EFCAB11: variants seen among roughly 807,000 people sequenced by gnomAD.
EFCAB11 encodes the protein EF-hand calcium binding domain 11.
EFCAB11 carries 14 observed loss-of-function variants against 23.0 expected under a neutral mutation model. The ratio of observed to expected loss-of-function variants is 0.61; its 90% confidence interval spans 0.40 to 0.95. EFCAB11 has a LOEUF of 0.95. Among genes scored for constraint, EFCAB11 ranks in the 40% least tolerant of loss-of-function variants. The pLI, the probability that EFCAB11 is intolerant of heterozygous loss-of-function variation, is 0.00. For missense variants in EFCAB11, 198 were observed against 195.8 expected, an observed-to-expected ratio of 1.01 and a Z score of -0.07; for synonymous variants, 65 against 66.6, an observed-to-expected ratio of 0.98 and a Z score of 0.11.
chr14:89,924,485 G>A lies in EFCAB11; in HGVS notation c.410+7056C>T, dbSNP rs968301242. On this transcript the variant is annotated intron_variant, in intron 5 of 5. Transcript: ENST00000316738. ...AGAGCTTTTTGCCAACTGACAGGTGGTGGGAATGTACAAATAGCAGTGCTT... is the reference window on the plus strand; with the variant it reads ...AGAGCTTTTTGCCAACTGACAGGTGATGGGAATGTACAAATAGCAGTGCTT... The A allele has an allele frequency of 2.2e-6, 3 of 1,394,862 alleles. No homozygotes were observed. In the African/African-American group the frequency reaches 4.4e-5, roughly 20 times the overall value. 86.4% of individuals were successfully genotyped at this position (1,394,862 alleles called of 1,614,324 possible).
intron 5 of EFCAB11, chr14:89,924,250 T>C (rs1890117132): frequency 4.0e-6 from 4 of 995,236 alleles, no homozygotes; most frequent in Non-Finnish European, 4.8e-6. Flanking sequence ...TTGTGTAATA[T>C]GAAGAAAGGG....
At chr14:89,806,283 A>C (rs1425252471) in intron 5 of EFCAB11, among the ~76,000 whole-genome samples, 2 of 152,222 alleles carry the variant, frequency 1.3e-5, no homozygotes, top group Non-Finnish European at 1.5e-5. Flanking sequence ...TAATTTCAGT[A>C]TGTCATTTCG....
intron 5 of EFCAB11, chr14:89,829,823 A>G (rs1886826878): frequency 6.6e-6 from 1 of 152,230 alleles, no homozygotes; most frequent in Admixed American, 6.5e-5. Context: ...AAGCATTTTG[A>G]ATTTTATTTT....
At chr14:89,947,007 T>C (rs6575100) in intron 3 of EFCAB11, among the ~76,000 whole-genome samples, 14,420 of 152,176 alleles carry the variant, frequency 0.095, 1,764 homozygotes, top group African/African-American at 0.29. Flanking sequence ...ACTGACAAAA[T>C]ATAGATGATA....
chr14:89,949,549 A>C (rs1238206485), intron 3 of EFCAB11, among the ~76,000 whole-genome samples: 2 of 151,530 alleles, frequency 1.3e-5, no homozygotes, highest in Non-Finnish European at 3.0e-5. Context: ...TATTTTTAGT[A>C]GAGACGGTGT....
At chr14:89,900,904 C>T (rs1015595079) in intron 5 of EFCAB11, among the ~76,000 whole-genome samples, 6 of 152,020 alleles carry the variant, frequency 3.9e-5, no homozygotes, top group African/African-American at 7.3e-5. Flanking sequence ...TGCATTTCAA[C>T]GTCTTATAAA....
intron 5 of EFCAB11, among the ~76,000 whole-genome samples, chr14:89,821,425 C>T (rs1244707935): frequency 6.6e-6 from 1 of 152,132 alleles, no homozygotes; most frequent in African/African-American, 2.4e-5. Context: ...GTATATAAAT[C>T]CTATTGTGTC....
At chr14:89,921,898 T>C (rs1274127540) in intron 5 of EFCAB11, among the ~76,000 whole-genome samples, 1 of 152,230 alleles carries the variant, frequency 6.6e-6, no homozygotes, top group Non-Finnish European at 1.5e-5. Flanking sequence ...TCTTATTTTA[T>C]AAATATGACA....
intron 5 of EFCAB11, among the ~76,000 whole-genome samples, chr14:89,815,239 G>T (rs1037916967): frequency 6.6e-6 from 1 of 152,136 alleles, no homozygotes; most frequent in African/African-American, 2.4e-5. Context: ...GGAAAAGAAG[G>T]CACAAAAACT....
chr14:89,950,077 A>C lies in EFCAB11; in HGVS notation c.217+20T>G. 6.5e-7 allele frequency: 1 copy of C among 1,531,464 alleles called. No homozygotes were observed. The highest frequency in any genetic ancestry group is 8.9e-7 in the Non-Finnish European group (1 of 1,123,528). 94.9% of individuals were successfully genotyped at this position (1,531,464 alleles called of 1,614,324 possible). On this transcript the variant is annotated intron_variant, in intron 3 of 5. Transcript: ENST00000316738. ...GTGTCTAAATAAGGTACTAAAAATT[A>C]ATATTAACTTTCATATTACCAGAAG...
Position 89,937,256 on chromosome 14 carries a change from A to C in EFCAB11, c.218-4629T>G, listed in dbSNP as rs139931764. 1.5e-4 allele frequency among the ~76,000 whole-genome samples: 23 copies of C among 152,296 alleles called. No homozygotes were observed. The East Asian group carries it at 3.9e-3, about 26-fold the overall frequency. ...GTAGGAAAGATTCTTCTTTATATGA[A>C]AATGGAAAGCCTCATGTGTAGAGGA... On this transcript the variant is annotated intron_variant, in intron 3 of 5. Coordinates refer to ENST00000316738, the MANE Select transcript of EFCAB11 (RefSeq NM_145231.4).
intron 5 of EFCAB11, among the ~76,000 whole-genome samples, chr14:89,911,168 T>A (rs188258535): frequency 6.6e-6 from 1 of 152,038 alleles, no homozygotes; most frequent in South Asian, 2.1e-4. Flanking sequence ...ACATGAAAAT[T>A]TGGGGAAAAA....
chr14:89,932,415 G>T, intron 4 of EFCAB11, 111 bp downstream of exon 4: 2 of 811,936 alleles, frequency 2.5e-6, no homozygotes, highest in Non-Finnish European at 1.9e-6. Flanking sequence ...AATGAATACA[G>T]TAATATAATC....
intron 5 of EFCAB11, among the ~76,000 whole-genome samples, chr14:89,921,072 AAAAAG>A (rs1427266582): frequency 6.8e-6 from 1 of 147,520 alleles, no homozygotes; most frequent in Non-Finnish European, 1.5e-5. Flanking sequence ...CTAAAAAAAA[AAAAAG>A]AAAAGAAAGA....
chr14:89,944,190 G>A (rs982856167), intron 3 of EFCAB11, among the ~76,000 whole-genome samples: 31 of 152,326 alleles, frequency 2.0e-4, no homozygotes, highest in Admixed American at 9.2e-4. Flanking sequence ...GAGCCCCCAC[G>A]ATCATAGCGG....
Position 89,836,546 on chromosome 14 carries a change from G to C in EFCAB11, c.411-39222C>G, listed in dbSNP as rs949214578. ...GTAAGGCTCTTCACCATGGGGAGCA[G>C]GGCTAGGGACCAGACGTCAGTACTC... On this transcript the variant is annotated intron_variant, in intron 5 of 5. Coordinates refer to ENST00000316738, the MANE Select transcript of EFCAB11 (RefSeq NM_145231.4). The C allele has an allele frequency of 1.1e-5, 5 of 456,662 alleles. No individual in the cohort carries two copies. In the Admixed American group the frequency reaches 1.2e-4, roughly 11 times the overall value. The allele number at this position is 456,662 out of a possible 1,614,324, so 28.3% of individuals were successfully genotyped here. A position where few individuals can be genotyped will look rare whatever the true frequency, so the allele number is the denominator to read the frequency against.
intron 5 of EFCAB11, among the ~76,000 whole-genome samples, chr14:89,860,165 A>G (rs1250398088): frequency 6.6e-6 from 1 of 152,100 alleles, no homozygotes; most frequent in Admixed American, 6.5e-5. Flanking sequence ...GGAGTTTGAG[A>G]CCAGCCTGGC....
intron 4 of EFCAB11, 79 bp downstream of exon 4, chr14:89,932,447 G>T: frequency 4.8e-6 from 5 of 1,044,572 alleles, no homozygotes; most frequent in South Asian, 2.9e-5. Context: ...TTATATATTT[G>T]ATTTACTGGG....
intron 2 of EFCAB11, among the ~76,000 whole-genome samples, chr14:89,950,950 T>C (rs374887207): frequency 6.6e-6 from 1 of 152,104 alleles, no homozygotes; most frequent in Admixed American, 6.5e-5. Context: ...ACCATGGCTC[T>C]TCCTATTCTG....
Sources: allele counts gnomAD v4.1 joint callset (sites outside exome capture counted in the v4.1 genomes callset), GRCh38; gene constraint gnomAD v4.1.1; transcripts MANE v1.5; gene names NCBI Gene and HGNC (gene_info 2026-07-23, HGNC 2026-07-21).